The following EVC2 variants were observed in gnomAD, a reference collection of about 807,000 sequenced individuals.
The protein encoded by EVC2 is EvC ciliary complex subunit 2, also known as limbin.
EVC2 carries 148 observed loss-of-function variants against 149.3 expected under a neutral mutation model. That is an observed-to-expected ratio of 0.99 (90% confidence interval 0.87 to 1.14). The LOEUF (loss-of-function observed/expected upper bound fraction) is 1.14, where lower values mean the gene tolerates loss of function less well. Ranked by LOEUF, EVC2 falls within the 50% of genes most tolerant of loss-of-function variation. The pLI, the probability that EVC2 is intolerant of heterozygous loss-of-function variation, is 0.00. For missense variants in EVC2, 1,854 were observed against 1,627.3 expected (o/e 1.14, Z -2.40); for synonymous variants, 776 against 649.9 (o/e 1.19, Z -2.95).
intron 11 of EVC2, 128 bp downstream of exon 11, chr4:5,631,663 AAG>A: frequency 7.8e-7 from 1 of 1,289,656 alleles, no homozygotes; most frequent in Non-Finnish European, 1.1e-6. Flanking sequence ...CTCACACACC[AAG>A]AGATAGAAGA....
chr4:5,559,928 A>T (rs1010015012), downstream of EVC2, among the ~76,000 whole-genome samples: 2 of 152,034 alleles, frequency 1.3e-5, no homozygotes, highest in South Asian at 4.2e-4. This position sits in a 1 kb window ranked among gnomAD's most constrained non-coding sequence, Gnocchi z 5.0. Flanking sequence ...CTTCCTTACA[A>T]AGACTGCAGT....
chr4:5,695,146 G>A (rs181089904), intron 2 of EVC2, among the ~76,000 whole-genome samples: 14 of 152,086 alleles, frequency 9.2e-5, no homozygotes, highest in African/African-American at 3.1e-4. Flanking sequence ...TCAAGAGATC[G>A]AGACTATCCT....
chr4:5,689,776 G>A (rs532190009), intron 4 of EVC2, among the ~76,000 whole-genome samples: 8 of 152,154 alleles, frequency 5.3e-5, no homozygotes, highest in South Asian at 2.1e-4. Context: ...CGAGCTGCTC[G>A]TCCGCCTCTT....
At chr4:5,642,735 C>T (rs1362925532) in intron 9 of EVC2, among the ~76,000 whole-genome samples, 1 of 152,202 alleles carries the variant, frequency 6.6e-6, no homozygotes. Context: ...TAGCCCCACC[C>T]TCCACCATGT....
intron 21 of EVC2, among the ~76,000 whole-genome samples, chr4:5,555,094 G>C (rs955263815): frequency 7.2e-5 from 11 of 151,880 alleles, no homozygotes; most frequent in African/African-American, 2.4e-4. Flanking sequence ...CTCCATAGTA[G>C]AAGGTCAATA....
At chr4:5,587,366 A>C (rs1299813077) in intron 16 of EVC2, among the ~76,000 whole-genome samples, 1 of 152,236 alleles carries the variant, frequency 6.6e-6, no homozygotes, top group Non-Finnish European at 1.5e-5. Flanking sequence ...ACAGAAGAAC[A>C]ACCTTTTGTG....
chr4:5,683,546 T>C (rs1422132081), intron 6 of EVC2, among the ~76,000 whole-genome samples: 2 of 152,082 alleles, frequency 1.3e-5, no homozygotes, highest in African/African-American at 4.8e-5. Context: ...CAGTTGTGAA[T>C]AGGACACACT....
At chr4:5,697,764 G>C (rs1365183901) in intron 1 of EVC2, 117 bp from the exon 2 acceptor site, 2 of 784,644 alleles carry the variant, frequency 2.5e-6, no homozygotes, top group East Asian at 2.8e-5. Context: ...TTTTTTTTCT[G>C]AGACAGAGTC....
At chr4:5,592,992 T>G (rs1177237110) in intron 16 of EVC2, among the ~76,000 whole-genome samples, 1 of 152,214 alleles carries the variant, frequency 6.6e-6, no homozygotes, top group African/African-American at 2.4e-5. Flanking sequence ...GAGTGAGTTC[T>G]CATGAGATCT....
intron 9 of EVC2, among the ~76,000 whole-genome samples, chr4:5,645,795 G>A (rs1717669782): frequency 6.6e-6 from 1 of 152,188 alleles, no homozygotes; most frequent in South Asian, 2.1e-4. Flanking sequence ...GGATTGCTGG[G>A]TTGAATAGTA....
In EVC2 at chr4:5,622,955, C is replaced by G; in HGVS notation, c.2083G>C (p.Glu695Gln). The change falls in exon 14 of 22, where the codon GAG (glutamate) becomes CAG (glutamine). Residue 695 changes from glutamate (E) to glutamine (Q), a missense_variant. Coordinates refer to ENST00000344408, the MANE Select transcript of EVC2 (RefSeq NM_147127.5). This position sits in a 1 kb window ranked among gnomAD's most constrained non-coding sequence, Gnocchi z 5.8. ...EQRREQASVG[E>Q]AFRTVEDAGQ... ...GCATCCTCAACCGTTCGGAAGGCCT[C>G]GCCGACGGACGCCTGCTCCCTACGC... 6.2e-7 allele frequency: 1 copy of G among 1,614,068 alleles called. No homozygotes were observed. Among genetic ancestry groups the G allele is most frequent in the South Asian group, 1.1e-5 (1 of 91,070 alleles).
Position 5,640,700 on chromosome 4 carries a change from C to T in EVC2, c.1284G>A (p.Met428Ile), listed in dbSNP as rs760369547. 20 of 1,613,990 alleles carry T rather than the reference C, an allele frequency of 1.2e-5. No homozygotes were observed. In the South Asian group the frequency reaches 1.8e-4, roughly 14 times the overall value. ...GAAACTGCTTTTTGAAAACAGCACT[C>T]ATTTTTCTCTCTACTTGGGGTGAGA... Reference protein sequence around the residue: ...GHLSPQVERKMSAVFKKQFLL... With the variant: ...GHLSPQVERKISAVFKKQFLL... Residue 428 changes from methionine to isoleucine, a missense_variant, in exon 10 of 22, where the codon ATG (methionine) becomes ATA (isoleucine). By Grantham distance (10) the Met-to-Ile change is conservative (BLOSUM62 1). Coordinates refer to ENST00000344408, the MANE Select transcript of EVC2 (RefSeq NM_147127.5). The surrounding 1 kb of genome is among the most constrained non-coding windows in gnomAD (Gnocchi z 4.6).
At chr4:5,684,124 AT>A (rs1720533122) in intron 6 of EVC2, among the ~76,000 whole-genome samples, 1 of 151,864 alleles carries the variant, frequency 6.6e-6, no homozygotes, top group South Asian at 2.1e-4. Flanking sequence ...AATTGTTATG[AT>A]TTCTTCTGGA....
At chr4:5,687,341 C>T (rs777245687) in intron 5 of EVC2, among the ~76,000 whole-genome samples, 20 of 152,198 alleles carry the variant, frequency 1.3e-4, no homozygotes, top group Non-Finnish European at 2.2e-4. Flanking sequence ...TTTCCACAGC[C>T]GGGCTGCGTC....
rs145693546 is a variant in EVC2, at chr4:5,628,622, C to T, written c.1823G>A (p.Arg608His). Residue 608 changes from arginine to histidine, a missense_variant, in exon 12 of 22, where the codon CGT becomes CAT. Transcript: ENST00000344408. ...LVQNLQSSET[R>H]VQGLLSTAAA... ...AGCGGTGCTCAGAAGGCCCTGCACA[C>T]GGGTCTCTGATGACTGGAGGTTCTG... is the stretch of plus-strand genomic sequence containing the variant. The T allele has an allele frequency of 1.7e-3, 2,808 of 1,613,972 alleles. 7 individuals are homozygous for T. The highest frequency in any genetic ancestry group is 1.9e-3 in the Non-Finnish European group (2,237 of 1,179,980).
intron 16 of EVC2, among the ~76,000 whole-genome samples, chr4:5,595,001 G>C (rs564210690): frequency 2.6e-5 from 4 of 152,294 alleles, no homozygotes; most frequent in African/African-American, 9.6e-5. Flanking sequence ...AATAAAGCAA[G>C]AAGGGAAGTT....
chr4:5,568,764 G>A, intron 19 of EVC2, 124 bp from the exon 20 acceptor site: 3 of 1,182,890 alleles, frequency 2.5e-6, no homozygotes, highest in Non-Finnish European at 2.4e-6. Flanking sequence ...AGCTTAGTCT[G>A]GAAAACATGT....
At chr4:5,570,372 C>T (rs768459924) in intron 19 of EVC2, among the ~76,000 whole-genome samples, 12 of 152,328 alleles carry the variant, frequency 7.9e-5, no homozygotes, top group South Asian at 2.1e-4. Flanking sequence ...CCTTCCAGCT[C>T]CAGTGGTCCC....
intron 16 of EVC2, among the ~76,000 whole-genome samples, chr4:5,605,471 G>T (rs1220253958): frequency 6.6e-6 from 1 of 152,190 alleles, no homozygotes; most frequent in Non-Finnish European, 1.5e-5. Flanking sequence ...CAGATAGACA[G>T]ATGACAGATA....
Sources: gnomAD v4.1 joint callset for allele counts (sites outside exome capture counted in the v4.1 genomes callset) on GRCh38, gnomAD v4.1.1 for gene constraint, Gnocchi (gnomAD v3.1) non-coding constraint, MANE v1.5 for transcripts, NCBI Gene and HGNC (gene_info 2026-07-23, HGNC 2026-07-21) for gene names.